RAP1GDS1: variants seen among roughly 807,000 people sequenced by gnomAD.
The protein encoded by RAP1GDS1 is Rap1 GTPase-GDP dissociation stimulator 1, also known as RAP1, GTP-GDP dissociation stimulator 1.
RAP1GDS1 carries 35 observed loss-of-function variants against 71.1 expected under a neutral mutation model. That is an observed-to-expected ratio of 0.49 (90% confidence interval 0.38 to 0.65). The LOEUF is 0.65. RAP1GDS1 is among the 30% of genes least tolerant of loss of function. The probability of loss-of-function intolerance (pLI) is 0.00; values close to 1 mark genes in which losing one functional copy is unlikely to be tolerated. For synonymous variants in RAP1GDS1, 229 were observed against 243.1 expected (o/e 0.94, Z 0.54); for missense variants, 663 against 706.1 (o/e 0.94, Z 0.69).
At chr4:98,352,268 A>T (rs1259109764) in intron 3 of RAP1GDS1, among the ~76,000 whole-genome samples, 3 of 151,992 alleles carry the variant, frequency 2.0e-5, no homozygotes, top group African/African-American at 4.8e-5. Flanking sequence ...ATATGACCCC[A>T]CTCAGTTTTG....
intron 6 of RAP1GDS1, among the ~76,000 whole-genome samples, chr4:98,398,254 A>C (rs1322939683): frequency 1.3e-5 from 2 of 152,090 alleles, no homozygotes; most frequent in Non-Finnish European, 2.9e-5. Flanking sequence ...AGAAAATAAA[A>C]GAGAAAATAT....
chr4:98,380,767 G>T (rs1741884523), intron 5 of RAP1GDS1, among the ~76,000 whole-genome samples: 1 of 151,748 alleles, frequency 6.6e-6, no homozygotes, highest in Non-Finnish European at 1.5e-5. Flanking sequence ...GAGGAAGTAG[G>T]AAGAACACTA....
chr4:98,382,466 G>A (rs754498934), intron 5 of RAP1GDS1, among the ~76,000 whole-genome samples: 1 of 151,398 alleles, frequency 6.6e-6, no homozygotes, highest in Non-Finnish European at 1.5e-5. Flanking sequence ...TTGACACTTT[G>A]ACATTCAGTT....
At chr4:98,324,589 C>T (rs1732622072) in intron 2 of RAP1GDS1, among the ~76,000 whole-genome samples, 1 of 145,060 alleles carries the variant, frequency 6.9e-6, no homozygotes, top group African/African-American at 2.7e-5. Context: ...ATCAATGGAA[C>T]AGAACAGAGC....
chr4:98,265,385 C>G (rs1722589213), intron 1 of RAP1GDS1, among the ~76,000 whole-genome samples: 1 of 152,054 alleles, frequency 6.6e-6, no homozygotes, highest in Non-Finnish European at 1.5e-5. Flanking sequence ...TTGGTCTGTC[C>G]TTTAGTCTCT....
At chr4:98,315,838 G>A (rs953767223) in intron 2 of RAP1GDS1, among the ~76,000 whole-genome samples, 1 of 152,126 alleles carries the variant, frequency 6.6e-6, no homozygotes, top group Non-Finnish European at 1.5e-5. Context: ...AAGAAAGGTG[G>A]TGTGTTGACA....
At chr4:98,320,480 C>T (rs1221329878) in intron 2 of RAP1GDS1, among the ~76,000 whole-genome samples, 1 of 152,200 alleles carries the variant, frequency 6.6e-6, no homozygotes, top group Non-Finnish European at 1.5e-5. Flanking sequence ...GTCTACAGCT[C>T]CCAGCGTGAG....
At chr4:98,273,391 T>C (rs144729636) in intron 1 of RAP1GDS1, among the ~76,000 whole-genome samples, 1 of 152,314 alleles carries the variant, frequency 6.6e-6, no homozygotes, top group African/African-American at 2.4e-5. Flanking sequence ...GGGAAAAATA[T>C]ATATGAGAGA....
intron 2 of RAP1GDS1, among the ~76,000 whole-genome samples, chr4:98,296,488 A>G (rs1727778276): frequency 1.3e-5 from 2 of 152,094 alleles, no homozygotes; most frequent in Non-Finnish European, 2.9e-5. Context: ...AGATTTTATG[A>G]AAACATTTTG....
intron 4 of RAP1GDS1, among the ~76,000 whole-genome samples, chr4:98,356,730 G>T (rs1044774855): frequency 6.6e-6 from 1 of 151,966 alleles, no homozygotes; most frequent in East Asian, 1.9e-4. Context: ...AAGCTTATAT[G>T]ATATGCTATC....
Position 98,292,296 on chromosome 4 carries a change from T to TTTTTTA in RAP1GDS1, c.5-1100_5-1095dup, listed in dbSNP as rs1727075862. ...GCACATGCCACCATATGCAGTTAAT[T>TTTTTTA]TTTTTATTTTTATTTTTCTTAGAGA... On this transcript the variant is annotated intron_variant, in intron 1 of 14. Transcript: ENST00000408927. Among the ~76,000 whole-genome samples, 3 of 151,958 alleles carry TTTTTTA rather than the reference T, an allele frequency of 2.0e-5. No individual in the cohort carries two copies. In the South Asian group the frequency reaches 6.2e-4, roughly 32 times the overall value.
chr4:98,392,288 ATAAT>A (rs1743824772), intron 6 of RAP1GDS1: 2 of 399,598 alleles, frequency 5.0e-6, no homozygotes, highest in Non-Finnish European at 8.7e-6. Flanking sequence ...TATTTCCCTA[ATAAT>A]TAATTTTACA....
intron 1 of RAP1GDS1, among the ~76,000 whole-genome samples, chr4:98,281,322 G>C (rs139402465): frequency 1.6e-3 from 243 of 151,782 alleles, no homozygotes; most frequent in East Asian, 4.6e-3. Context: ...TGAAGAGGTC[G>C]TTCACATCCC....
chr4:98,324,292 C>T (rs920701133), intron 2 of RAP1GDS1, among the ~76,000 whole-genome samples: 6 of 151,690 alleles, frequency 4.0e-5, no homozygotes, highest in Non-Finnish European at 7.4e-5. Context: ...AATGGAAGAA[C>T]ATTCCATGCT....
intron 6 of RAP1GDS1, among the ~76,000 whole-genome samples, chr4:98,404,140 A>G (rs1745808282): frequency 6.6e-6 from 1 of 152,184 alleles, no homozygotes; most frequent in African/African-American, 2.4e-5. Context: ...GATACTAAAG[A>G]TAAGTCACCT....
chr4:98,320,112 A>G (rs1731580389), intron 2 of RAP1GDS1, among the ~76,000 whole-genome samples: 1 of 152,246 alleles, frequency 6.6e-6, no homozygotes, highest in African/African-American at 2.4e-5. Flanking sequence ...TATAGTATGT[A>G]ATACATATAA....
chr4:98,336,182 T>C (rs1734698761), intron 2 of RAP1GDS1, among the ~76,000 whole-genome samples: 2 of 152,208 alleles, frequency 1.3e-5, no homozygotes, highest in South Asian at 4.1e-4. Context: ...TAGGTAAATA[T>C]TCATATCTTC....
chr4:98,373,823 CT>C lies in RAP1GDS1; in HGVS notation c.362-5191del, dbSNP rs61630163. ...ATATGTCAGCATCACTGCTCTTACA[CT>C]TTGAGGCCATTAAGTAAAATAAGCA... On this transcript the variant is annotated intron_variant, in intron 4 of 14. Coordinates refer to ENST00000408927, the MANE Select transcript of RAP1GDS1 (RefSeq NM_001100427.2). Among the ~76,000 whole-genome samples, 768 of 152,270 alleles carry C rather than the reference CT, an allele frequency of 5.0e-3. 7 individuals are homozygous for C. Among genetic ancestry groups the C allele is most frequent in the South Asian group, 0.018 (87 of 4,828 alleles).
chr4:98,282,848 T>C (rs904933942), intron 1 of RAP1GDS1, among the ~76,000 whole-genome samples: 2 of 152,186 alleles, frequency 1.3e-5, no homozygotes, highest in Non-Finnish European at 2.9e-5. Context: ...TCAAAGAACA[T>C]CTTTATTTCT....
Sources: gnomAD v4.1 joint callset for allele counts (sites outside exome capture counted in the v4.1 genomes callset) on GRCh38, gnomAD v4.1.1 for gene constraint, MANE v1.5 for transcripts, NCBI Gene and HGNC (gene_info 2026-07-23, HGNC 2026-07-21) for gene names.